The following CAP1 variants were observed in gnomAD, a reference collection of about 807,000 sequenced individuals.
The protein encoded by CAP1 is cyclase associated actin cytoskeleton regulatory protein 1, also known as adenylyl cyclase-associated protein 1.
Under a neutral mutation model 58.2 loss-of-function variants are expected in CAP1, and 11 were observed. That is an observed-to-expected ratio of 0.19 (90% CI 0.12 to 0.31). CAP1 has a LOEUF of 0.31. Among genes scored for constraint, CAP1 ranks in the 10% least tolerant of loss-of-function variants. The probability of loss-of-function intolerance (pLI) is 1.00; values close to 1 mark genes in which losing one functional copy is unlikely to be tolerated. For synonymous variants in CAP1, 183 were observed against 213.8 expected (o/e 0.86, Z 1.26); for missense variants, 423 against 587.5 (o/e 0.72, Z 2.89).
chr1:40,067,799 A>G, intron 8 of CAP1, 82 bp downstream of exon 8: 1 of 1,021,718 alleles, frequency 9.8e-7, no homozygotes, highest in South Asian at 1.5e-5. Context: ...TCTGTAAACT[A>G]CAACCCTGGC....
At chr1:40,064,850 C>T (rs1647006987) in intron 6 of CAP1, among the ~76,000 whole-genome samples, 1 of 152,230 alleles carries the variant, frequency 6.6e-6, no homozygotes, top group African/African-American at 2.4e-5. Context: ...GTGTGAGCCA[C>T]TGTGCCCAGC....
At chr1:40,046,709 G>A (rs1323340569) in intron 1 of CAP1, among the ~76,000 whole-genome samples, 2 of 151,722 alleles carry the variant, frequency 1.3e-5, no homozygotes, top group African/African-American at 4.8e-5. Context: ...AACCTGTATA[G>A]TATGTTACTG....
At chr1:40,058,076 A>G (rs1485348683) in intron 1 of CAP1, among the ~76,000 whole-genome samples, 1 of 152,240 alleles carries the variant, frequency 6.6e-6, no homozygotes, top group African/African-American at 2.4e-5. Flanking sequence ...ACAGTAAGGA[A>G]CAAGCTATAT....
At position 40,070,895 on chromosome 1, in the gene CAP1, G is replaced by A. The variant is rs747895649; in HGVS notation, c.1260G>A (p.Leu420=). ...INKTDGCHAY[L]SKNSLDCEIV... ...AAACAGATGGCTGCCATGCTTACCTGAGCAAGAATTCCCTGGATTGTGAAA... is the reference window on the plus strand; with the variant it reads ...AAACAGATGGCTGCCATGCTTACCTAAGCAAGAATTCCCTGGATTGTGAAA... The change falls in exon 12 of 13, where the codon CTG becomes CTA. Residue 420 remains leucine, a synonymous_variant. Transcript: ENST00000372805. 1 of 1,613,790 alleles carries A rather than the reference G, an allele frequency of 6.2e-7. No homozygotes were observed. The highest frequency in any genetic ancestry group is 8.5e-7 in the Non-Finnish European group (1 of 1,179,766).
intron 1 of CAP1, among the ~76,000 whole-genome samples, chr1:40,044,803 T>A (rs1040097572): frequency 1.4e-5 from 2 of 138,596 alleles, no homozygotes; most frequent in Non-Finnish European, 3.1e-5. Context: ...TTTTTTTTTT[T>A]TTTTTTTTTT....
At chr1:40,048,746 A>G (rs1387945248) in intron 1 of CAP1, among the ~76,000 whole-genome samples, 2 of 152,212 alleles carry the variant, frequency 1.3e-5, no homozygotes, top group South Asian at 2.1e-4. Context: ...AGATAGATCA[A>G]TAGATCTAAC....
At chr1:40,056,405 C>T (rs1252629948) in intron 1 of CAP1, among the ~76,000 whole-genome samples, 3 of 151,906 alleles carry the variant, frequency 2.0e-5, no homozygotes, top group Admixed American at 2.0e-4. Context: ...AGGTAATCCT[C>T]ACACCTCAGC....
intron 8 of CAP1, among the ~76,000 whole-genome samples, chr1:40,068,332 G>A (rs190830312): frequency 2.0e-3 from 309 of 152,016 alleles, no homozygotes; most frequent in Admixed American, 3.2e-3. Flanking sequence ...GTGCAATGGC[G>A]CGATCTCGGC....
chr1:40,069,639 C>A, intron 8 of CAP1, 51 bp from the exon 9 acceptor site: 1 of 1,510,016 alleles, frequency 6.6e-7, no homozygotes, highest in Non-Finnish European at 9.1e-7. Context: ...ACGATAGCAG[C>A]TCAAAGGTCT....
At chr1:40,071,402 C>G (rs1299720322) in intron 12 of CAP1, 48 bp from the exon 13 acceptor site, 21 of 1,322,530 alleles carry the variant, frequency 1.6e-5, no homozygotes, top group Non-Finnish European at 2.3e-5. Context: ...TTAGCCCCAG[C>G]TGTTCTTTAG....
In CAP1 at chr1:40,071,068, T is replaced by C. The variant is rs566848864; in HGVS notation, c.1344+89T>C. On this transcript the variant is annotated intron_variant, in intron 12 of 12. Coordinates refer to ENST00000372805, the MANE Select transcript of CAP1 (RefSeq NM_006367.4). ...GAAGAAAGCTATTTTATGAACATTC[T>C]GCACTGAGCAGGTAAAAACCCAATA... The C allele has an allele frequency of 1.7e-5, 22 of 1,270,980 alleles. No individual in the cohort carries two copies. The African/African-American group carries it at 1.9e-4, about 11-fold the overall frequency. 78.7% of individuals were successfully genotyped at this position (1,270,980 alleles called of 1,614,324 possible).
chr1:40,064,580 CT>C (rs765353403), intron 6 of CAP1, 21 bp downstream of exon 6: 5 of 1,578,394 alleles, frequency 3.2e-6, no homozygotes, highest in East Asian at 2.2e-5. Flanking sequence ...CCTTTTCTCT[CT>C]TTTTTTCTTT....
chr1:40,063,507 G>A (rs1646947179), intron 4 of CAP1, among the ~76,000 whole-genome samples: 1 of 151,888 alleles, frequency 6.6e-6, no homozygotes. Context: ...TAGAGACAAA[G>A]TTGTGCTGTG....
intron 4 of CAP1, among the ~76,000 whole-genome samples, chr1:40,062,953 C>T (rs3131670): frequency 0.7 from 105,549 of 151,868 alleles, 36,940 homozygotes; most frequent in Non-Finnish European, 0.74. Flanking sequence ...AAGGTGCCTA[C>T]TTGAATGCTA....
intron 10 of CAP1, 41 bp from the exon 11 acceptor site, chr1:40,070,389 C>T (rs750770782): frequency 2.1e-5 from 31 of 1,465,454 alleles, no homozygotes; most frequent in African/African-American, 5.4e-5. Flanking sequence ...TATTACTTTC[C>T]TTTAAAGTTA....
intron 1 of CAP1, among the ~76,000 whole-genome samples, chr1:40,043,833 C>T (rs1645957068): frequency 6.6e-6 from 1 of 151,522 alleles, no homozygotes. Context: ...GCTGAGATTG[C>T]ACTGCTGCAC....
Position 40,061,821 on chromosome 1 carries a change from A to G in CAP1, c.294+9A>G. ...GTCAACAGCCAGCAGAAGTAAGTTC[A>G]CTACTAGCTGGTTTCATTTTGGTTT... is the stretch of plus-strand genomic sequence containing the variant. On this transcript the variant is annotated intron_variant, in intron 4 of 12. Transcript: ENST00000372805. The G allele has an allele frequency of 1.9e-6, 3 of 1,607,380 alleles. No individual in the cohort carries two copies. Among genetic ancestry groups the G allele is most frequent in the Non-Finnish European group, 2.6e-6 (3 of 1,173,882 alleles).
At chr1:40,061,410 A>G (rs567551341) in intron 3 of CAP1, among the ~76,000 whole-genome samples, 7 of 152,056 alleles carry the variant, frequency 4.6e-5, no homozygotes, top group African/African-American at 1.4e-4. Context: ...TGTTTGTTTT[A>G]TTTTGCTGAT....
At chr1:40,047,653 A>C (rs1179279480) in intron 1 of CAP1, among the ~76,000 whole-genome samples, 1 of 152,222 alleles carries the variant, frequency 6.6e-6, no homozygotes, top group African/African-American at 2.4e-5. Flanking sequence ...CTTACACGCT[A>C]TAAAACATGT....
Sources: allele counts gnomAD v4.1 joint callset (sites outside exome capture counted in the v4.1 genomes callset), GRCh38; gene constraint gnomAD v4.1.1; transcripts MANE v1.5; gene names NCBI Gene and HGNC (gene_info 2026-07-23, HGNC 2026-07-21).